Variants in SALL1 observed in about 807,000 individuals in gnomAD.
SALL1 encodes sal-like protein 1.
In SALL1, 10 loss-of-function variants were observed where a neutral mutation model predicts 73.1. That is an observed-to-expected ratio of 0.14 (90% CI 0.08 to 0.23). The LOEUF is 0.23. Among genes scored for constraint, SALL1 ranks in the 10% least tolerant of loss-of-function variants. The probability of loss-of-function intolerance (pLI) is 1.00; values close to 1 mark genes in which losing one functional copy is unlikely to be tolerated. For synonymous variants in SALL1, 688 were observed against 689.8 expected (o/e 1.00, Z 0.04); for missense variants, 1,520 against 1,697.3 (o/e 0.90, Z 1.84).
intron 1 of SALL1, among the ~76,000 whole-genome samples, chr16:51,144,534 T>A (rs572721573): frequency 6.6e-6 from 1 of 152,322 alleles, no homozygotes; most frequent in African/African-American, 2.4e-5. Context: ...ACTGACTTCA[T>A]CAATTGTACA....
intron 1 of SALL1, chr16:51,143,200 A>T (rs921794864): frequency 8.7e-6 from 2 of 229,136 alleles, no homozygotes; most frequent in Non-Finnish European, 1.8e-5. Context: ...ATTGTCCTGA[A>T]CATTTTATTA....
At position 51,139,934 on chromosome 16, in the gene SALL1, C is replaced by T. The variant is rs1271939032; in HGVS notation, c.2288G>A (p.Arg763Lys). Reference sequence around the variant, plus strand: ...GCAGATGGGGCAGGAATGCTGGACTCTGAGCGGGGGCATAGCACGATGGAC... The same window carrying T: ...GCAGATGGGGCAGGAATGCTGGACTTTGAGCGGGGGCATAGCACGATGGAC... ...YSVHRAMPPL[R>K]VQHSCPICQK... Residue 763 changes from arginine to lysine, a missense_variant, in exon 2 of 3, where the codon AGA (arginine) becomes AAA (lysine). Physicochemically the swap from Arg to Lys is conservative, Grantham distance 26. Transcript: ENST00000251020. 3 of 1,614,064 alleles carry T rather than the reference C, an allele frequency of 1.9e-6. No homozygotes were observed. In the African/African-American group the frequency reaches 4.0e-5, roughly 22 times the overall value.
In SALL1 at chr16:51,139,687, G is replaced by A. The variant is rs772861257; in HGVS notation, c.2535C>T (p.Asp845=). 31 of 1,614,136 alleles carry A rather than the reference G, an allele frequency of 1.9e-5. No homozygotes were observed. The highest frequency in any genetic ancestry group is 1.6e-4 in the East Asian group (7 of 44,900). ...AAGAGGATAAGCTGTCTTGGGAGGCGTCTGCAGACTTAGGTGTATCAGGGA... is the reference window on the plus strand; with the variant it reads ...AAGAGGATAAGCTGTCTTGGGAGGCATCTGCAGACTTAGGTGTATCAGGGA... ...GSIPDTPKSA[D]ASQDSLSSSP... Residue 845 remains aspartate, a synonymous_variant, in exon 2 of 3, where the codon GAC becomes GAT. Coordinates refer to ENST00000251020, the MANE Select transcript of SALL1 (RefSeq NM_002968.3).
intron 1 of SALL1, among the ~76,000 whole-genome samples, chr16:51,148,809 C>G (rs1962554169): frequency 6.6e-6 from 1 of 152,070 alleles, no homozygotes. Flanking sequence ...CAAAATCTAC[C>G]CTCTAGGCAA....
chr16:51,150,361 C>G, intron 1 of SALL1: 1 of 974,764 alleles, frequency 1.0e-6, no homozygotes, highest in South Asian at 4.7e-5. Flanking sequence ...CACCACGATC[C>G]GCAGAGGGCG....
At position 51,141,215 on chromosome 16, in the gene SALL1, C is replaced by T. The variant is rs771174750; in HGVS notation, c.1007G>A (p.Gly336Asp). 6 of 1,613,980 alleles carry T rather than the reference C, an allele frequency of 3.7e-6. No individual in the cohort carries two copies. The South Asian group carries it at 6.6e-5, about 18-fold the overall frequency. The change falls in exon 2 of 3, where the codon GGC becomes GAC. Residue 336 changes from glycine (G) to aspartate (D), a missense_variant. Around this residue, in one of 7 missense-constraint regions of SALL1, gnomAD observed 540 missense variants for 567.5 expected, o/e 0.95. Coordinates refer to ENST00000251020, the MANE Select transcript of SALL1 (RefSeq NM_002968.3). The surrounding 1 kb of genome is among the most constrained non-coding windows in gnomAD (Gnocchi z 5.4). ...SGNTIIPSNSGSSPNMNILAA... is the reference protein window; with the variant it reads ...SGNTIIPSNSDSSPNMNILAA... ...CAATATGTTCATATTGGGAGAAGAG[C>T]CGCTGTTGGATGGAATGATGGTGTT...
intron 2 of SALL1, among the ~76,000 whole-genome samples, chr16:51,138,089 C>T (rs139338405): frequency 2.8e-4 from 42 of 152,286 alleles, no homozygotes; most frequent in African/African-American, 9.9e-4. Flanking sequence ...ACTCTGTCAA[C>T]AGAAAAATGT....
rs1962441219 is a variant in SALL1, at chr16:51,141,770, C to T, written c.452G>A (p.Ser151Asn). The change falls in exon 2 of 3, where the codon AGC (serine) becomes AAC (asparagine). Residue 151 changes from serine to asparagine, a missense_variant. Coordinates refer to ENST00000251020, the MANE Select transcript of SALL1 (RefSeq NM_002968.3). The surrounding 1 kb of genome is among the most constrained non-coding windows in gnomAD (Gnocchi z 5.4). ...GCTGCTGCTGCTGCTGCTGCTGCTG[C>T]TGCTTGGGGCGGTACTGCTGTGGCT... The part of the protein sequence containing the change: ...SGSHSSTAPS[S>N]SSSSSSSSGG... The T allele has an allele frequency of 1.2e-6, 2 of 1,611,784 alleles. No homozygotes were observed.
rs535671020 is a variant in SALL1 at position 51,137,002 on chromosome 16, T to C, written c.*110A>G. The stretch of plus-strand genomic sequence containing the variant: ...TCTTCATAATGTTGTAGTTCATAGA[T>C]CTGGGGAACAGAAGGAAGGGGCGGG... On this transcript the variant is annotated 3_prime_UTR_variant, in exon 3 of 3. Coordinates refer to ENST00000251020, the MANE Select transcript of SALL1 (RefSeq NM_002968.3). The C allele has an allele frequency of 9.3e-6, 8 of 855,998 alleles. No homozygotes were observed. In the African/African-American group the frequency reaches 1.2e-4, roughly 13 times the overall value. The allele number at this position is 855,998 out of a possible 1,614,324, so 53.0% of individuals were successfully genotyped here. A position where few individuals can be genotyped will look rare whatever the true frequency, so the allele number is the denominator to read the frequency against.
In SALL1 at chr16:51,137,135, T is replaced by C. The variant is rs1271991932; in HGVS notation, c.3952A>G (p.Ser1318Gly). The C allele has an allele frequency of 1.2e-6, 2 of 1,614,194 alleles. No individual in the cohort carries two copies. The highest frequency in any genetic ancestry group is 4.5e-5 in the East Asian group (2 of 44,878). Residue 1318 changes from serine to glycine, a missense_variant, in exon 3 of 3, where the codon AGC (serine) becomes GGC (glycine). Coordinates refer to ENST00000251020, the MANE Select transcript of SALL1 (RefSeq NM_002968.3). ...CTTTAACTCGTGACGATCTCCTTGC[T>C]GTCCTCCACGAAGCGGGTGAAGCGG... ...NFRFTRFVED[S>G]KEIVTS
At position 51,139,470 on chromosome 16, in the gene SALL1, C is replaced by T. The variant is rs144782810; in HGVS notation, c.2752G>A (p.Ala918Thr). ...ATGGAAGAGGTAGACTCTGAGATGG[C>T]TGGGCTGCCAGCACTTTGGCTTTCC... ...DMESQSAGSP[A>T]ISESTSSMQA... is the part of the protein sequence containing the mutation. Residue 918 changes from alanine to threonine, a missense_variant, in exon 2 of 3, where the codon GCC (alanine) becomes ACC (threonine). This residue lies in a region of SALL1 where 266 missense variants were observed against 275.1 expected (regional missense o/e 0.97). Transcript: ENST00000251020. 3.0e-5 allele frequency: 48 copies of T among 1,614,184 alleles called. No individual in the cohort carries two copies. In the African/African-American group the frequency reaches 5.7e-4, roughly 19 times the overall value.
At chr16:51,145,842 G>T (rs1962507557) in intron 1 of SALL1, among the ~76,000 whole-genome samples, 1 of 152,074 alleles carries the variant, frequency 6.6e-6, no homozygotes, top group African/African-American at 2.4e-5. Flanking sequence ...TCTTCAGAAA[G>T]ACACTTCACT....
chr16:51,137,337 G>C lies in SALL1; in HGVS notation c.3750C>G (p.Asn1250Lys), dbSNP rs142653419. The C allele has an allele frequency of 1.9e-6, 3 of 1,614,098 alleles. No homozygotes were observed. Among genetic ancestry groups the C allele is most frequent in the East Asian group, 2.2e-5 (1 of 44,872 alleles). ...CACCGTTCTGAATGACGGAGATCTC[G>C]TTGGCCTTCATCGCCAGCCCGTTGG... Reference protein sequence around the residue: ...ALSNGLAMKANEISVIQNGGI... With the variant: ...ALSNGLAMKAKEISVIQNGGI... The change falls in exon 3 of 3, where the codon AAC becomes AAG. Residue 1250 changes from asparagine to lysine, a missense_variant. This residue lies in a region of SALL1 where 318 missense variants were observed against 357.1 expected (regional missense o/e 0.89). Coordinates refer to ENST00000251020, the MANE Select transcript of SALL1 (RefSeq NM_002968.3).
chr16:51,144,016 G>A (rs1391204460), intron 1 of SALL1, among the ~76,000 whole-genome samples: 3 of 46,378 alleles, frequency 6.5e-5, no homozygotes, highest in African/African-American at 1.8e-4. Flanking sequence ...GCTGTTTTAA[G>A]CCCTTTCTGC....
Position 51,140,350 on chromosome 16 carries a change from G to A in SALL1, c.1872C>T (p.Ser624=), listed in dbSNP as rs143548629. 1.3e-5 allele frequency: 21 copies of A among 1,614,006 alleles called. No homozygotes were observed. The highest frequency in any genetic ancestry group is 9.3e-5 in the African/African-American group (7 of 74,938). The change falls in exon 2 of 3, where the codon AGC becomes AGT. Residue 624 remains serine, a synonymous_variant. Transcript: ENST00000251020. The surrounding 1 kb of genome is among the most constrained non-coding windows in gnomAD (Gnocchi z 5.7). ...AGTTGGTGACCATGCCACTCTCTTC[G>A]CTTTTGCCACCAGAGGGTGGCAGAG... ...GSTLPPSGGK[S]EESGMVTNSV...
At chr16:51,147,780 A>AACACACACACACACACACACAC (rs145285801) in intron 1 of SALL1, among the ~76,000 whole-genome samples, 115 of 146,290 alleles carry the variant, frequency 7.9e-4, no homozygotes, top group Non-Finnish European at 1.3e-3. Flanking sequence ...GAAGAACTCC[A>AACACACACACACACACACACAC]ACACACACAC....
chr16:51,141,745 G>T lies in SALL1; in HGVS notation c.477C>A (p.Ser159Arg), dbSNP rs757737676. ...CTGTGGAGGAGCTGCCGCCGCCGCC[G>T]CTGCTGCTGCTGCTGCTGCTGCTGC... is the stretch of plus-strand genomic sequence containing the variant. ...PSSSSSSSSS[S>R]GGGGSSSTGT... Residue 159 changes from serine to arginine, a missense_variant, in exon 2 of 3, where the codon AGC becomes AGA. Ser to Arg is a moderately radical substitution (Grantham distance 110, BLOSUM62 -1). Coordinates refer to ENST00000251020, the MANE Select transcript of SALL1 (RefSeq NM_002968.3). The surrounding 1 kb of genome is among the most constrained non-coding windows in gnomAD (Gnocchi z 5.4). 1.2e-4 allele frequency: 163 copies of T among 1,306,104 alleles called. 1 individual carries two copies. The highest frequency in any genetic ancestry group is 1.0e-3 in the Middle Eastern group (5 of 4,926). The allele number at this position is 1,306,104 out of a possible 1,614,324, so 80.9% of individuals were successfully genotyped here.
chr16:51,140,198 G>A lies in SALL1; in HGVS notation c.2024C>T (p.Pro675Leu), dbSNP rs1286732457. Residue 675 changes from proline to leucine, a missense_variant, in exon 2 of 3, where the codon CCT becomes CTT. By Grantham distance (98) the Pro-to-Leu change is moderately conservative (BLOSUM62 -3). Around this residue, in one of 7 missense-constraint regions of SALL1, gnomAD observed 276 missense variants for 259.1 expected, o/e 1.07. Transcript: ENST00000251020. This position sits in a 1 kb window ranked among gnomAD's most constrained non-coding sequence, Gnocchi z 5.7. ...AGCTGAGTCCAGGAGTCCCCCAAAAGGAAACTTGGCCTTGAACTGCTCGGA... is the reference window on the plus strand; with the variant it reads ...AGCTGAGTCCAGGAGTCCCCCAAAAAGAAACTTGGCCTTGAACTGCTCGGA... ...LMSEQFKAKFPFGGLLDSAQA... is the reference protein window; with the variant it reads ...LMSEQFKAKFLFGGLLDSAQA... The A allele has an allele frequency of 1.2e-6, 2 of 1,614,196 alleles. No homozygotes were observed. Among genetic ancestry groups the A allele is most frequent in the African/African-American group, 1.3e-5 (1 of 75,056 alleles).
chr16:51,150,688 G>A, intron 1 of SALL1: 1 of 634,072 alleles, frequency 1.6e-6, no homozygotes, highest in South Asian at 6.9e-5. Context: ...TCAGCCCAGC[G>A]CCCGAAGTAA....
Sources: gnomAD v4.1 joint callset for allele counts (sites outside exome capture counted in the v4.1 genomes callset) on GRCh38, gnomAD v4.1.1 for gene constraint, gnomAD v4.1.1 regional missense constraint, Gnocchi (gnomAD v3.1) non-coding constraint, MANE v1.5 for transcripts, NCBI Gene and HGNC (gene_info 2026-07-23, HGNC 2026-07-21) for gene names.